RPSA: variants seen among roughly 807,000 people sequenced by gnomAD.
The protein encoded by RPSA is small ribosomal subunit protein uS2.
For synonymous variants in RPSA, 103 were observed against 126.7 expected (o/e 0.81, Z 1.25); for missense variants, 140 against 372.8 (o/e 0.38, Z 5.14).
intron 2 of RPSA, chr3:39,408,046 A>G (rs2125591605): frequency 2.2e-6 from 1 of 456,238 alleles, no homozygotes; most frequent in Middle Eastern, 6.6e-4. Context: ...CTGAGTTTCT[A>G]ATAGCTCGCA....
rs542590593 is a variant in RPSA, at chr3:39,411,522, G to A, written c.499-127G>A. 6.2e-6 allele frequency: 6 copies of A among 966,984 alleles called. No homozygotes were observed. In the South Asian group the frequency reaches 7.6e-5, roughly 12 times the overall value. 59.9% of individuals were successfully genotyped at this position (966,984 alleles called of 1,614,324 possible). ...AAAATCCCTATTTATAATGCTCCCT[G>A]TTACAATTGCTTTTCAACTAAGAGA... On this transcript the variant is annotated intron_variant, in intron 4 of 6. Coordinates refer to ENST00000301821, the MANE Select transcript of RPSA (RefSeq NM_002295.6).
chr3:39,410,676 G>A (rs533462017), intron 3 of RPSA, 78 bp from the exon 4 acceptor site: 49 of 1,566,104 alleles, frequency 3.1e-5, no homozygotes, highest in Non-Finnish European at 4.1e-5. Context: ...AAGTTGGCCA[G>A]TGCCCAGAAG....
At chr3:39,408,230 G>A (rs1245840096) in intron 2 of RPSA, 1 of 405,136 alleles carries the variant, frequency 2.5e-6, no homozygotes, top group African/African-American at 2.0e-5. Flanking sequence ...GGACTTGGGA[G>A]TGACATGCTG....
intron 3 of RPSA, among the ~76,000 whole-genome samples, chr3:39,409,462 A>G (rs997956334): frequency 1.3e-5 from 2 of 152,068 alleles, no homozygotes; most frequent in South Asian, 2.1e-4. Context: ...CGGCCTCCCA[A>G]AGTGTTGGGA....
At position 39,409,184 on chromosome 3, in the gene RPSA, C is replaced by CTT. The variant is rs71091746; in HGVS notation, c.252+482_252+483dup. On this transcript the variant is annotated intron_variant, in intron 3 of 6. Coordinates refer to ENST00000301821, the MANE Select transcript of RPSA (RefSeq NM_002295.6). Reference sequence around the variant, plus strand: ...ATCGCCCTTATGACCTATGACCTTCCTTTTTTTTTTTTTTTTTTTTTTTCC... The same window carrying CTT: ...ATCGCCCTTATGACCTATGACCTTCCTTTTTTTTTTTTTTTTTTTTTTTTTCC... 5.5e-3 allele frequency among the ~76,000 whole-genome samples: 468 copies of CTT among 85,370 alleles called. 20 individuals carry two copies. Among genetic ancestry groups the CTT allele is most frequent in the Admixed American group, 6.7e-3 (34 of 5,072 alleles). 56.0% of individuals were successfully genotyped at this position (85,370 alleles called of 152,430 possible).
In RPSA at chr3:39,407,118, A is replaced by G. The variant is rs1337411883; in HGVS notation, c.-34+354A>G. 1.5e-5 allele frequency: 6 copies of G among 400,202 alleles called. No individual in the cohort carries two copies. In the East Asian group the frequency reaches 4.5e-4, roughly 30 times the overall value. The allele number at this position is 400,202 out of a possible 1,614,324, so 24.8% of individuals were successfully genotyped here. A position where few individuals can be genotyped will look rare whatever the true frequency, so the allele number is the denominator to read the frequency against. ...GCCCAGGCGCTGATTTACACCAGCT[A>G]CTTGGGCTGGTCGGGTTTTCCCTTC... On this transcript the variant is annotated intron_variant, in intron 1 of 6. Coordinates refer to ENST00000301821, the MANE Select transcript of RPSA (RefSeq NM_002295.6).
chr3:39,411,883 T>A lies in RPSA; in HGVS notation c.628-13T>A. On this transcript the variant is annotated splice_polypyrimidine_tract_variant and intron_variant, in intron 5 of 6. Coordinates refer to ENST00000301821, the MANE Select transcript of RPSA (RefSeq NM_002295.6). The stretch of plus-strand genomic sequence containing the variant: ...TCCCTGTAAGTCTTTCCTCTTTTTT[T>A]TTTGTAACCCAGATTGAAAAAGAAG... The A allele has an allele frequency of 6.3e-7, 1 of 1,599,696 alleles. No individual in the cohort carries two copies. The highest frequency in any genetic ancestry group is 8.5e-7 in the Non-Finnish European group (1 of 1,179,942).
intron 1 of RPSA, 118 bp from the exon 2 acceptor site, chr3:39,407,503 C>CACT: frequency 1.3e-6 from 1 of 786,434 alleles, no homozygotes; most frequent in South Asian, 1.4e-5. Context: ...GTTTACCCTT[C>CACT]ACTACACTGT....
At chr3:39,408,391 T>C (rs2041951928) in intron 2 of RPSA, 1 of 747,308 alleles carries the variant, frequency 1.3e-6, no homozygotes, top group South Asian at 1.4e-5. Flanking sequence ...GAATCTAGGC[T>C]GCACACTATT....
intron 1 of RPSA, 143 bp downstream of exon 1, chr3:39,406,907 C>A: frequency 4.4e-6 from 2 of 455,320 alleles, no homozygotes; most frequent in Non-Finnish European, 8.8e-6. Context: ...CTTAGGCCTG[C>A]GGCCCGCACG....
Position 39,406,738 on chromosome 3 carries a change from A to C in RPSA, c.-60A>C, listed in dbSNP as rs1016866895. ...CGCCTGTCTTTTCCGTGCTACCTGC[A>C]GAGGGGTCCATACGGCGTTGTTCTG... On this transcript the variant is annotated 5_prime_UTR_variant, in exon 1 of 7. Coordinates refer to ENST00000301821, the MANE Select transcript of RPSA (RefSeq NM_002295.6). The C allele has an allele frequency of 2.5e-6, 1 of 392,306 alleles. No individual in the cohort carries two copies. The highest frequency in any genetic ancestry group is 5.0e-6 in the Non-Finnish European group (1 of 198,184). The allele number at this position is 392,306 out of a possible 1,614,324, so 24.3% of individuals were successfully genotyped here.
intron 3 of RPSA, among the ~76,000 whole-genome samples, chr3:39,409,184 C>CTTGTTT (rs2041967349): frequency 1.2e-5 from 1 of 85,426 alleles, no homozygotes. Context: ...TATGACCTTC[C>CTTGTTT]TTTTTTTTTT....
At chr3:39,407,986 T>C (rs1250711271) in intron 2 of RPSA, 200 bp downstream of exon 2, 1 of 549,632 alleles carries the variant, frequency 1.8e-6, no homozygotes, top group Non-Finnish European at 3.2e-6. Context: ...ATGTCAGTTG[T>C]CTGAGTTACG....
rs573464014 is a variant in RPSA at position 39,406,748 on chromosome 3, A to G, written c.-50A>G. On this transcript the variant is annotated 5_prime_UTR_variant, in exon 1 of 7. Coordinates refer to ENST00000301821, the MANE Select transcript of RPSA (RefSeq NM_002295.6). ...TTCCGTGCTACCTGCAGAGGGGTCC[A>G]TACGGCGTTGTTCTGGGTGAGTTCC... The G allele has an allele frequency of 3.0e-4, 124 of 413,056 alleles. No homozygotes were observed. Among genetic ancestry groups the G allele is most frequent in the Non-Finnish European group, 4.8e-4 (100 of 207,684 alleles). The allele number at this position is 413,056 out of a possible 1,614,324, so 25.6% of individuals were successfully genotyped here. A position where few individuals can be genotyped will look rare whatever the true frequency, so the allele number is the denominator to read the frequency against.
At chr3:39,408,883 G>A in intron 3 of RPSA, 159 bp downstream of exon 3, 2 of 539,344 alleles carry the variant, frequency 3.7e-6, no homozygotes, top group Non-Finnish European at 6.7e-6. Context: ...CGTATTACGA[G>A]GTCAGGAGAT....
Position 39,412,323 on chromosome 3 carries a change from T to C in RPSA, c.843T>C (p.Thr281=). The part of the protein sequence containing the change: ...PATEDWSAAP[T]AQATEWVGAT... ...CGGAAGACTGGTCTGCAGCTCCCAC[T>C]GCTCAGGCCACTGAATGGGTAGGAG... The change falls in exon 7 of 7, where the codon ACT becomes ACC. Residue 281 remains threonine, a synonymous_variant. Transcript: ENST00000301821. The C allele has an allele frequency of 6.2e-7, 1 of 1,607,684 alleles. No homozygotes were observed. The highest frequency in any genetic ancestry group is 1.1e-5 in the South Asian group (1 of 90,920).
chr3:39,406,936 C>A, intron 1 of RPSA, 172 bp downstream of exon 1: 1 of 452,842 alleles, frequency 2.2e-6, no homozygotes, highest in Non-Finnish European at 4.4e-6. Context: ...CTCGGGCTGG[C>A]GGGTTCCCAG....
At chr3:39,409,184 C>CTTTTT (rs71091746) in intron 3 of RPSA, among the ~76,000 whole-genome samples, 3,724 of 85,214 alleles carry the variant, frequency 0.044, 427 homozygotes, top group Middle Eastern at 0.071. Flanking sequence ...TATGACCTTC[C>CTTTTT]TTTTTTTTTT....
intron 3 of RPSA, 81 bp from the exon 4 acceptor site, chr3:39,410,673 C>T: frequency 6.5e-7 from 1 of 1,535,444 alleles, no homozygotes; most frequent in Non-Finnish European, 9.0e-7. Context: ...ATTAAGTTGG[C>T]CAGTGCCCAG....
Sources: allele counts gnomAD v4.1 joint callset (sites outside exome capture counted in the v4.1 genomes callset), GRCh38; gene constraint gnomAD v4.1.1; transcripts MANE v1.5; gene names NCBI Gene and HGNC (gene_info 2026-07-23, HGNC 2026-07-21).